Variants in CCDC68 observed in about 807,000 individuals in gnomAD.
CCDC68 encodes the protein coiled-coil domain containing 68, also known as coiled-coil domain-containing protein 68.
A neutral mutation model predicts 47.1 loss-of-function variants in CCDC68; 45 were observed. The observed-to-expected ratio is 0.96, with a 90% CI of 0.75 to 1.23. The LOEUF is 1.23. CCDC68 is among the 50% of genes most tolerant of loss of function. The pLI is 0.00. For missense variants in CCDC68, 353 were observed against 373.6 expected (o/e 0.94, Z 0.45); for synonymous variants, 131 against 129.5 (o/e 1.01, Z -0.08).
chr18:54,934,773 T>A (rs772758313), intron 7 of CCDC68, 47 bp downstream of exon 7: 5 of 1,341,110 alleles, frequency 3.7e-6, no homozygotes, highest in Non-Finnish European at 4.9e-6. Flanking sequence ...TTCATTCTCA[T>A]CCTAATGCTG....
At position 54,902,568 on chromosome 18, in the gene CCDC68, A is replaced by G. The variant is rs1913745808; in HGVS notation, c.*1790T>C. On this transcript the variant is annotated 3_prime_UTR_variant, in exon 12 of 12. Coordinates refer to ENST00000591504, the MANE Select transcript of CCDC68 (RefSeq NM_025214.3). ...ATGATAAACAGATTTTTAGCAGGGA[A>G]GTTTGTCTGAACTGAGTTCTCACAA... 6.6e-6 allele frequency: 1 copy of G among 152,236 alleles called. No individual in the cohort carries two copies. Among genetic ancestry groups the G allele is most frequent in the South Asian group, 2.1e-4 (1 of 4,828 alleles). 9.4% of individuals were successfully genotyped at this position (152,236 alleles called of 1,614,324 possible).
At chr18:54,936,362 T>C (rs1476587258) in intron 6 of CCDC68, among the ~76,000 whole-genome samples, 1 of 150,162 alleles carries the variant, frequency 6.7e-6, no homozygotes, top group African/African-American at 2.4e-5. Context: ...ATATTTTGTT[T>C]TCTGTTTTTT....
intron 4 of CCDC68, among the ~76,000 whole-genome samples, chr18:54,939,711 T>G (rs9960838): frequency 0.38 from 58,270 of 151,610 alleles, 11,345 homozygotes; most frequent in East Asian, 0.59. Flanking sequence ...CCCATGGACA[T>G]TATTTGACAG....
intron 6 of CCDC68, 42 bp from the exon 7 acceptor site, chr18:54,934,990 T>C: frequency 6.7e-7 from 1 of 1,481,708 alleles, no homozygotes; most frequent in Non-Finnish European, 8.9e-7. Context: ...ACTCTGTTTT[T>C]CTTAAACCTA....
chr18:54,925,665 C>T (rs1019902939), intron 8 of CCDC68, among the ~76,000 whole-genome samples: 2 of 152,206 alleles, frequency 1.3e-5, no homozygotes, highest in Non-Finnish European at 2.9e-5. Context: ...TTAGTGGCAT[C>T]GTAGAGCTTC....
intron 4 of CCDC68, among the ~76,000 whole-genome samples, chr18:54,940,633 T>C (rs1161763148): frequency 6.6e-6 from 1 of 152,208 alleles, no homozygotes; most frequent in Non-Finnish European, 1.5e-5. Context: ...AACAAAGTCT[T>C]GACTCAACTC....
chr18:54,949,186 G>C, intron 1 of CCDC68, among the ~76,000 whole-genome samples: 1 of 152,136 alleles, frequency 6.6e-6, no homozygotes, highest in South Asian at 2.1e-4. Context: ...AGTAGAGATG[G>C]GGTTTCGCCA....
intron 1 of CCDC68, among the ~76,000 whole-genome samples, chr18:54,948,283 T>C (rs929185249): frequency 6.6e-6 from 1 of 152,104 alleles, no homozygotes; most frequent in Admixed American, 6.5e-5. Context: ...TGTCGAGAGA[T>C]GAGAACACCG....
At chr18:54,910,240 G>A (rs1158297143) in intron 10 of CCDC68, among the ~76,000 whole-genome samples, 1 of 152,168 alleles carries the variant, frequency 6.6e-6, no homozygotes, top group Non-Finnish European at 1.5e-5. Context: ...CCTCTCTACA[G>A]CTGGCTGCCC....
intron 7 of CCDC68, among the ~76,000 whole-genome samples, chr18:54,930,335 T>C (rs1420717459): frequency 6.6e-6 from 1 of 152,184 alleles, no homozygotes; most frequent in Non-Finnish European, 1.5e-5. Flanking sequence ...AAAATGGGGA[T>C]AATATTACCT....
chr18:54,933,567 A>T (rs980810390), intron 7 of CCDC68, among the ~76,000 whole-genome samples: 7 of 152,220 alleles, frequency 4.6e-5, no homozygotes, highest in East Asian at 1.9e-4. Flanking sequence ...TCTTTGTGCT[A>T]TCTTAGTTTT....
Position 54,937,968 on chromosome 18 carries a change from A to G in CCDC68, c.334T>C (p.Leu112=). 2 of 1,610,132 alleles carry G rather than the reference A, an allele frequency of 1.2e-6. No individual in the cohort carries two copies. Among genetic ancestry groups the G allele is most frequent in the Non-Finnish European group, 1.7e-6 (2 of 1,178,792 alleles). ...LLEMNKENEV[L]KIKLQASREA... ...TCTAAAAGTCATACCTTGATTTTCA[A>G]TACTTCATTCTCTTTGTTCATTTCT... is the stretch of plus-strand genomic sequence containing the variant. The change falls in exon 5 of 12, where the codon TTG becomes CTG. Residue 112 remains leucine, a synonymous_variant. Transcript: ENST00000591504.
intron 1 of CCDC68, among the ~76,000 whole-genome samples, chr18:54,949,525 A>G (rs960447310): frequency 1.3e-5 from 2 of 152,186 alleles, no homozygotes; most frequent in African/African-American, 4.8e-5. Flanking sequence ...GGTGTAAACA[A>G]CTGACTCCAG....
At chr18:54,938,729 C>T (rs935098589) in intron 4 of CCDC68, among the ~76,000 whole-genome samples, 1 of 152,206 alleles carries the variant, frequency 6.6e-6, no homozygotes, top group Non-Finnish European at 1.5e-5. Context: ...GGACCAGGGC[C>T]CAAGTTTATG....
intron 4 of CCDC68, among the ~76,000 whole-genome samples, chr18:54,939,282 G>C (rs2044398417): frequency 6.7e-6 from 1 of 150,058 alleles, no homozygotes; most frequent in Non-Finnish European, 1.5e-5. Context: ...AAGAATATTT[G>C]ACAAAAAAAA....
chr18:54,946,312 T>C (rs1367342972), intron 1 of CCDC68, among the ~76,000 whole-genome samples: 1 of 152,164 alleles, frequency 6.6e-6, no homozygotes, highest in African/African-American at 2.4e-5. Context: ...AATATTTCCT[T>C]ATCTAGCCCT....
chr18:54,923,920 C>T (rs949755761), intron 8 of CCDC68, among the ~76,000 whole-genome samples: 1 of 151,970 alleles, frequency 6.6e-6, no homozygotes, highest in African/African-American at 2.4e-5. Flanking sequence ...ACCATGTTGG[C>T]CAGGCTGACC....
rs932597020 is a variant in CCDC68 at position 54,902,124 on chromosome 18, C to T, written c.*2234G>A. 10 of 83,968 alleles carry T rather than the reference C, an allele frequency of 1.2e-4. No homozygotes were observed. Among genetic ancestry groups the T allele is most frequent in the South Asian group, 3.9e-4 (1 of 2,536 alleles). 5.2% of individuals were successfully genotyped at this position (83,968 alleles called of 1,614,324 possible). ...ACTCAGGAACGACCAAGGGCAGTTT[C>T]GAGGCAAGATAGATAGTTAGGTCAG... is the stretch of plus-strand genomic sequence containing the variant. On this transcript the variant is annotated 3_prime_UTR_variant, in exon 12 of 12. Transcript: ENST00000591504.
At position 54,935,399 on chromosome 18, in the gene CCDC68, T is replaced by A. The variant is rs1455502926; in HGVS notation, c.472-451A>T. Among the ~76,000 whole-genome samples the A allele has an allele frequency of 3.9e-5, 6 of 152,330 alleles. No individual in the cohort carries two copies. In the East Asian group the frequency reaches 1.2e-3, roughly 29 times the overall value. On this transcript the variant is annotated intron_variant, in intron 6 of 11. Transcript: ENST00000591504. Reference sequence around the variant, plus strand: ...TTCATAGGCATAGAGCAGGGGTTGTTCTGAACCATCATAGGAGAGAAGACT... The same window carrying A: ...TTCATAGGCATAGAGCAGGGGTTGTACTGAACCATCATAGGAGAGAAGACT...
Sources: gnomAD v4.1 joint callset for allele counts (sites outside exome capture counted in the v4.1 genomes callset) on GRCh38, gnomAD v4.1.1 for gene constraint, MANE v1.5 for transcripts, NCBI Gene and HGNC (gene_info 2026-07-23, HGNC 2026-07-21) for gene names.